CA10: variants seen among roughly 807,000 people sequenced by gnomAD.
The protein encoded by CA10 is carbonic anhydrase-related protein 10.
Under a neutral mutation model 44.2 loss-of-function variants are expected in CA10, and 14 were observed. The observed-to-expected ratio is 0.32, with a 90% CI of 0.21 to 0.50. The LOEUF is 0.50. Ranked by LOEUF, CA10 falls within the 20% of genes least tolerant of loss-of-function variation. The pLI is 0.99. For synonymous variants in CA10, 159 were observed against 141.6 expected, an observed-to-expected ratio of 1.12 and a Z score of -0.87; for missense variants, 350 against 409.7, an observed-to-expected ratio of 0.85 and a Z score of 1.26.
intron 4 of CA10, 77 bp downstream of exon 4, chr17:51,747,556 A>G: frequency 8.5e-7 from 1 of 1,177,764 alleles, no homozygotes. Flanking sequence ...TTGTTATGTT[A>G]TCCCATCTTG....
intron 6 of CA10, among the ~76,000 whole-genome samples, chr17:51,641,555 ATG>A (rs1249481955): frequency 6.6e-6 from 1 of 152,200 alleles, no homozygotes; most frequent in Admixed American, 6.5e-5. Flanking sequence ...TGTAGAATAT[ATG>A]TGTGTATTTT....
chr17:52,123,721 C>A (rs1989061220), intron 1 of CA10, among the ~76,000 whole-genome samples: 1 of 152,168 alleles, frequency 6.6e-6, no homozygotes, highest in Non-Finnish European at 1.5e-5. Flanking sequence ...TTGCAGGAAC[C>A]ACCTGTGTGG....
At chr17:51,828,773 G>A (rs1908124290) in intron 3 of CA10, among the ~76,000 whole-genome samples, 1 of 152,196 alleles carries the variant, frequency 6.6e-6, no homozygotes, top group Non-Finnish European at 1.5e-5. Context: ...AATGCATTTT[G>A]TTCATGGAAT....
intron 4 of CA10, among the ~76,000 whole-genome samples, chr17:51,711,810 T>C (rs150831085): frequency 3.2e-4 from 48 of 152,306 alleles, no homozygotes; most frequent in Middle Eastern, 3.4e-3. Context: ...CATGTATCTA[T>C]TAGTCATGGG....
intron 2 of CA10, among the ~76,000 whole-genome samples, chr17:52,025,481 G>C (rs570698697): frequency 6.6e-6 from 1 of 152,024 alleles, no homozygotes; most frequent in Non-Finnish European, 1.5e-5. Context: ...TCCTCATTGT[G>C]GCTCTTGCTG....
chr17:52,112,992 CA>C (rs1219313425), intron 1 of CA10, among the ~76,000 whole-genome samples: 1 of 152,180 alleles, frequency 6.6e-6, no homozygotes, highest in Non-Finnish European at 1.5e-5. Flanking sequence ...AAAGCTCAAG[CA>C]GAGATTTCAA....
intron 4 of CA10, among the ~76,000 whole-genome samples, chr17:51,691,740 G>A (rs954910949): frequency 8.5e-5 from 13 of 152,286 alleles, no homozygotes; most frequent in African/African-American, 2.9e-4. Context: ...GTTGGCTATT[G>A]TGGTGCATGG....
At chr17:52,047,954 T>A (rs1290298692) in intron 2 of CA10, among the ~76,000 whole-genome samples, 1 of 151,784 alleles carries the variant, frequency 6.6e-6, no homozygotes, top group South Asian at 2.1e-4. Flanking sequence ...TTTCATTTGG[T>A]CTTATTTAGA....
At chr17:52,101,144 T>C (rs1266515902) in intron 1 of CA10, among the ~76,000 whole-genome samples, 2 of 152,220 alleles carry the variant, frequency 1.3e-5, no homozygotes, top group Non-Finnish European at 2.9e-5. Context: ...GGGTACATGT[T>C]GATGGCCTCC....
At chr17:52,105,350 G>A (rs1988637280) in intron 1 of CA10, among the ~76,000 whole-genome samples, 5 of 152,084 alleles carry the variant, frequency 3.3e-5, no homozygotes, top group Admixed American at 3.3e-4. Flanking sequence ...CGCCTCCCGG[G>A]TTCACACAAT....
At chr17:52,047,937 GA>G (rs1986956216) in intron 2 of CA10, among the ~76,000 whole-genome samples, 1 of 150,520 alleles carries the variant, frequency 6.6e-6, no homozygotes, top group Non-Finnish European at 1.5e-5. Flanking sequence ...ATAAAAGCCT[GA>G]AAAAGTTTCA....
intron 2 of CA10, among the ~76,000 whole-genome samples, chr17:52,009,307 T>C (rs1020289388): frequency 2.0e-5 from 3 of 151,992 alleles, no homozygotes; most frequent in African/African-American, 7.2e-5. Context: ...CCAGGATCCA[T>C]CTAATTTTTG....
At chr17:51,724,592 C>T (rs1039167229) in intron 4 of CA10, among the ~76,000 whole-genome samples, 18 of 152,216 alleles carry the variant, frequency 1.2e-4, no homozygotes, top group Non-Finnish European at 2.4e-4. Flanking sequence ...GGGTGGAAAA[C>T]GGTGGGTAAA....
intron 1 of CA10, among the ~76,000 whole-genome samples, chr17:52,104,727 G>C (rs909203740): frequency 6.6e-6 from 1 of 152,180 alleles, no homozygotes; most frequent in Non-Finnish European, 1.5e-5. Context: ...CTGACTTAAA[G>C]AGGCATTCAC....
In CA10 at chr17:51,701,454, C is replaced by T. The variant is rs79214819; in HGVS notation, c.465+46179G>A. On this transcript the variant is annotated intron_variant, in intron 4 of 8. Transcript: ENST00000451037. Reference sequence around the variant, plus strand: ...ACTGCAACATAGCTTTTTGGAGACTCAGTTCAACCCATAACACTCTCATTT... The same window carrying T: ...ACTGCAACATAGCTTTTTGGAGACTTAGTTCAACCCATAACACTCTCATTT... 6.8e-3 allele frequency among the ~76,000 whole-genome samples: 1,035 copies of T among 152,184 alleles called. 16 individuals are homozygous for T. The highest frequency in any genetic ancestry group is 0.024 in the African/African-American group (998 of 41,482).
intron 2 of CA10, among the ~76,000 whole-genome samples, chr17:51,937,664 T>A (rs1982920047): frequency 6.6e-6 from 1 of 152,128 alleles, no homozygotes; most frequent in Admixed American, 6.6e-5. Context: ...GATAGAAAGA[T>A]AAATCAAAAT....
At chr17:51,897,733 A>AT (rs944220166) in intron 3 of CA10, among the ~76,000 whole-genome samples, 1 of 152,006 alleles carries the variant, frequency 6.6e-6, no homozygotes, top group Admixed American at 6.6e-5. Context: ...GTCATCTCTG[A>AT]TTTCCTTGAG....
chr17:51,767,723 G>A (rs1459370318), intron 3 of CA10, among the ~76,000 whole-genome samples: 9 of 151,404 alleles, frequency 5.9e-5, no homozygotes, highest in African/African-American at 2.2e-4. Flanking sequence ...TGGGAGCCCC[G>A]AGCTTTTTTT....
intron 2 of CA10, among the ~76,000 whole-genome samples, chr17:51,949,917 T>TC (rs1983420153): frequency 1.3e-5 from 2 of 152,154 alleles, no homozygotes; most frequent in Admixed American, 1.3e-4. Context: ...GGATAGTATA[T>TC]CCCTGTTGGG....
Sources: gnomAD v4.1 joint callset for allele counts (sites outside exome capture counted in the v4.1 genomes callset) on GRCh38, gnomAD v4.1.1 for gene constraint, MANE v1.5 for transcripts, NCBI Gene and HGNC (gene_info 2026-07-23, HGNC 2026-07-21) for gene names.